ZSCAN25: variants seen among roughly 807,000 people sequenced by gnomAD.
The protein encoded by ZSCAN25 is zinc finger and SCAN domain containing 25.
In ZSCAN25, 27 loss-of-function variants were observed where a neutral mutation model predicts 38.7. The observed-to-expected ratio is 0.70, with a 90% CI of 0.51 to 0.96. The LOEUF (loss-of-function observed/expected upper bound fraction) is 0.96. Ranked by LOEUF, ZSCAN25 falls within the 40% of genes least tolerant of loss-of-function variation. ZSCAN25 has a pLI of 0.00. For missense variants in ZSCAN25, 637 were observed against 705.9 expected (o/e 0.90, Z 1.11); for synonymous variants, 273 against 277.7 (o/e 0.98, Z 0.17).
At chr7:99,649,048 G>A in the ZSCAN25 span, among the ~76,000 whole-genome samples, 1 of 152,168 alleles carries the variant, frequency 6.6e-6, no homozygotes, top group Non-Finnish European at 1.5e-5. Context: ...CACTGTTGGG[G>A]GAGCCACCAA....
chr7:99,731,336 A>G, the ZSCAN25 span, among the ~76,000 whole-genome samples: 1 of 152,348 alleles, frequency 6.6e-6, no homozygotes, highest in African/African-American at 2.4e-5. Context: ...TGCTTCCACC[A>G]TGAGACACCA....
In ZSCAN25 at chr7:99,629,798, C is replaced by T; in HGVS notation, c.1413C>T (p.Ala471=). 6.2e-7 allele frequency: 1 copy of T among 1,614,214 alleles called. No individual in the cohort carries two copies. Among genetic ancestry groups the T allele is most frequent in the South Asian group, 1.1e-5 (1 of 91,076 alleles). ...GTGGCAAGAGCTTCAGCAGGAATGC[C>T]AATCTGGCGGTGCACCGGCGTGCCC... is the stretch of plus-strand genomic sequence containing the variant. ...CECGKSFSRN[A]NLAVHRRAHT... Residue 471 remains alanine, a synonymous_variant, in exon 8 of 8, where the codon GCC becomes GCT. Transcript: ENST00000394152. The surrounding 1 kb of genome is among the most constrained non-coding windows in gnomAD (Gnocchi z 5.6).
chr7:99,669,620 A>C, the ZSCAN25 span, among the ~76,000 whole-genome samples: 2 of 152,202 alleles, frequency 1.3e-5, no homozygotes, highest in Admixed American at 6.5e-5. Context: ...AAAACTGCTA[A>C]TTTAAAATTT....
chr7:99,629,921 G>A lies in ZSCAN25; in HGVS notation c.1536G>A (p.Lys512=). ...ACCAGAGAATCCATACAGGGGAGAAGCCCTACCACTGTCCTGCCTGCGGGC... is the reference window on the plus strand; with the variant it reads ...ACCAGAGAATCCATACAGGGGAGAAACCCTACCACTGTCCTGCCTGCGGGC... ...VRHQRIHTGE[K]PYHCPACGRS... Residue 512 remains lysine, a synonymous_variant, in exon 8 of 8, where the codon AAG becomes AAA. Transcript: ENST00000394152. The surrounding 1 kb of genome is among the most constrained non-coding windows in gnomAD (Gnocchi z 5.6). The A allele has an allele frequency of 6.2e-7, 1 of 1,614,152 alleles. No homozygotes were observed. Among genetic ancestry groups the A allele is most frequent in the Non-Finnish European group, 8.5e-7 (1 of 1,180,004 alleles).
At chr7:99,720,488 C>A in the ZSCAN25 span, 22 of 1,523,046 alleles carry the variant, frequency 1.4e-5, no homozygotes, top group Non-Finnish European at 1.8e-5. Context: ...GGAAGCCAGA[C>A]TTTGATCCGG....
At chr7:99,722,320 T>C in the ZSCAN25 span, 1 of 1,613,632 alleles carries the variant, frequency 6.2e-7, no homozygotes, top group South Asian at 1.1e-5. Flanking sequence ...ATACTTTTTA[T>C]AACATTCCAT....
chr7:99,729,052 TTAAAGA>T, the ZSCAN25 span, among the ~76,000 whole-genome samples: 5 of 152,170 alleles, frequency 3.3e-5, no homozygotes, highest in Non-Finnish European at 4.4e-5. Context: ...ATAAAAAAGC[TTAAAGA>T]TAAAGACCAA....
the ZSCAN25 span, chr7:99,660,751 G>A: frequency 1.4e-6 from 2 of 1,470,912 alleles, no homozygotes; most frequent in African/African-American, 1.4e-5. Flanking sequence ...CTAATCCCAA[G>A]AAGAAAAAAT....
chr7:99,716,003 A>G, the ZSCAN25 span: 1 of 1,605,322 alleles, frequency 6.2e-7, no homozygotes, highest in African/African-American at 1.3e-5. Flanking sequence ...GTCAAGACAG[A>G]CAAACAGCCA....
chr7:99,649,459 A>G, the ZSCAN25 span, among the ~76,000 whole-genome samples: 2 of 152,360 alleles, frequency 1.3e-5, no homozygotes, highest in East Asian at 3.9e-4. Context: ...CTGGAACATA[A>G]GGTCAAGGAG....
the ZSCAN25 span, chr7:99,709,081 G>C: frequency 8.7e-6 from 14 of 1,613,972 alleles, no homozygotes; most frequent in Admixed American, 5.0e-5. Flanking sequence ...TTTGGGTCAT[G>C]ATGAAGAACA....
the ZSCAN25 span, among the ~76,000 whole-genome samples, chr7:99,655,785 G>A: frequency 6.6e-6 from 1 of 152,096 alleles, no homozygotes; most frequent in Non-Finnish European, 1.5e-5. Context: ...TCCTTGAAGA[G>A]GTCCTTCACA....
chr7:99,629,591 C>CT lies in ZSCAN25; in HGVS notation c.1207dup (p.Tyr403LeufsTer251). On this transcript the variant is annotated frameshift_variant, in exon 8 of 8. Coordinates refer to ENST00000394152, the MANE Select transcript of ZSCAN25 (RefSeq NM_145115.3). LOFTEE classifies it high-confidence loss of function. The surrounding 1 kb of genome is among the most constrained non-coding windows in gnomAD (Gnocchi z 5.6). The stretch of plus-strand genomic sequence containing the variant: ...AGAGAACCCACCTGGGAAAGAGGCC[C>CT]TACGTGTGCAGCGAGTGCTGGAAAA... The CT allele has an allele frequency of 6.2e-7, 1 of 1,614,162 alleles. No individual in the cohort carries two copies. Among genetic ancestry groups the CT allele is most frequent in the East Asian group, 2.2e-5 (1 of 44,884 alleles).
At position 99,629,361 on chromosome 7, in the gene ZSCAN25, C is replaced by T. The variant is rs1224263198; in HGVS notation, c.976C>T (p.Pro326Ser). The T allele has an allele frequency of 9.3e-6, 15 of 1,614,192 alleles. No homozygotes were observed. The highest frequency in any genetic ancestry group is 1.3e-5 in the Non-Finnish European group (15 of 1,180,030). ...GPAGSAPGLP[P>S]PQHGAIPLPD... ...TGCAGGCAGTGCGCCTGGGCTTCCT[C>T]CTCCCCAGCACGGTGCCATCCCCCT... Residue 326 changes from proline (P) to serine (S), a missense_variant, in exon 8 of 8, where the codon CCT (proline) becomes TCT (serine). By Grantham distance (74) the Pro-to-Ser change is moderately conservative. Transcript: ENST00000394152. The surrounding 1 kb of genome is among the most constrained non-coding windows in gnomAD (Gnocchi z 5.6).
chr7:99,690,613 C>T, the ZSCAN25 span, among the ~76,000 whole-genome samples: 8 of 151,810 alleles, frequency 5.3e-5, no homozygotes, highest in African/African-American at 1.9e-4. Flanking sequence ...AAAAACAACC[C>T]CATCAACAAG....
At chr7:99,640,201 C>T in the ZSCAN25 span, among the ~76,000 whole-genome samples, 2 of 152,186 alleles carry the variant, frequency 1.3e-5, no homozygotes, top group African/African-American at 2.4e-5. Context: ...TCTTGTTGCC[C>T]AGGCTGGAGT....
intron 6 of ZSCAN25, among the ~76,000 whole-genome samples, chr7:99,623,580 A>C (rs1234110851): frequency 6.6e-6 from 1 of 152,248 alleles, no homozygotes; most frequent in Non-Finnish European, 1.5e-5. Context: ...GCAAGGCTGG[A>C]TGCCAGCATC....
chr7:99,725,564 G>A, the ZSCAN25 span, among the ~76,000 whole-genome samples: 70 of 152,334 alleles, frequency 4.6e-4, no homozygotes, highest in African/African-American at 1.6e-3. Context: ...TGGCCACTGG[G>A]CCTCAGAAGG....
At chr7:99,693,601 T>C in the ZSCAN25 span, among the ~76,000 whole-genome samples, 1 of 152,232 alleles carries the variant, frequency 6.6e-6, no homozygotes, top group Non-Finnish European at 1.5e-5. Context: ...AGTAAGCTAC[T>C]CAAGCCTCAG....
Sources: allele counts gnomAD v4.1 joint callset (sites outside exome capture counted in the v4.1 genomes callset), GRCh38; gene constraint gnomAD v4.1.1; non-coding constraint Gnocchi (gnomAD v3.1); transcripts MANE v1.5; gene names NCBI Gene and HGNC (gene_info 2026-07-23, HGNC 2026-07-21).